CKMT2: variants seen among roughly 807,000 people sequenced by gnomAD.
The protein encoded by CKMT2 is creatine kinase S-type, mitochondrial.
Under a neutral mutation model 48.9 loss-of-function variants are expected in CKMT2, and 43 were observed. The observed-to-expected ratio is 0.88, with a 90% confidence interval of 0.69 to 1.13. CKMT2 has a LOEUF of 1.13. Ranked by LOEUF, CKMT2 falls within the 50% of genes most tolerant of loss-of-function variation. The pLI, the probability that CKMT2 is intolerant of heterozygous loss-of-function variation, is 0.00. For missense variants in CKMT2, 472 were observed against 555.4 expected (o/e 0.85, Z 1.51); for synonymous variants, 206 against 213.0 (o/e 0.97, Z 0.29).
intron 7 of CKMT2, among the ~76,000 whole-genome samples, chr5:81,258,678 G>C (rs1480512001): frequency 2.0e-5 from 3 of 152,140 alleles, no homozygotes; most frequent in Non-Finnish European, 4.4e-5. Context: ...TCTGCCTCCT[G>C]TCAGATCAGC....
Position 81,257,804 on chromosome 5 carries a change from A to AAGGAGGCAATATGAAACGAGTATT in CKMT2, c.828_851dup (p.Val283_Phe284insLeuGlyGlyAsnMetLysArgVal). ...CACACCAGGGTAATCTCAATGGAAA[A>AAGGAGGCAATATGAAACGAGTATT]AGGAGGCAATATGAAACGAGTATTT... On this transcript the variant is annotated inframe_insertion, in exon 7 of 10. Transcript: ENST00000254035. 6.2e-7 allele frequency: 1 copy of AAGGAGGCAATATGAAACGAGTATT among 1,613,816 alleles called. No homozygotes were observed. The highest frequency in any genetic ancestry group is 2.2e-5 in the East Asian group (1 of 44,860).
intron 8 of CKMT2, among the ~76,000 whole-genome samples, chr5:81,261,944 C>G (rs1484566665): frequency 1.9e-4 from 29 of 152,160 alleles, no homozygotes; most frequent in Admixed American, 1.9e-3. Flanking sequence ...TCAAACTATA[C>G]TACAAGGCTA....
intron 8 of CKMT2, 113 bp from the exon 9 acceptor site, chr5:81,263,378 T>C (rs961097875): frequency 1.0e-5 from 3 of 290,216 alleles, no homozygotes; most frequent in South Asian, 1.2e-4. Context: ...TTATTATATA[T>C]ATAAAAAGTT....
intron 5 of CKMT2, among the ~76,000 whole-genome samples, chr5:81,255,885 G>A (rs764102023): frequency 4.6e-5 from 7 of 150,612 alleles, no homozygotes; most frequent in Non-Finnish European, 8.8e-5. Flanking sequence ...TAAGAAATAT[G>A]CCTCATTTCC....
Position 81,263,829 on chromosome 5 carries a change from G to C in CKMT2, c.1140+213G>C, listed in dbSNP as rs77658270. ...CATAATGTGAGCTGAGAATTTATAG[G>C]CAAGTATAGGAATTCACAGTGGGAC... On this transcript the variant is annotated intron_variant, in intron 9 of 9. Transcript: ENST00000254035. Among the ~76,000 whole-genome samples the C allele has an allele frequency of 4.1e-4, 63 of 152,282 alleles. No homozygotes were observed. The East Asian group carries it at 0.012, about 28-fold the overall frequency.
intron 1 of CKMT2, among the ~76,000 whole-genome samples, chr5:81,234,235 C>T (rs79240971): frequency 0.05 from 7,611 of 152,144 alleles, 301 homozygotes; most frequent in South Asian, 0.21. Flanking sequence ...CTTTAGGTCT[C>T]CTCAGTGCTG....
intron 1 of CKMT2, chr5:81,242,377 A>C (rs1756466006): frequency 2.1e-6 from 1 of 468,358 alleles, no homozygotes; most frequent in Non-Finnish European, 4.1e-6. Context: ...TTGGGCTGAG[A>C]CTCCTTGCCA....
At chr5:81,257,709 G>C (rs756164751) in intron 6 of CKMT2, 24 bp from the exon 7 acceptor site, 13 of 1,603,330 alleles carry the variant, frequency 8.1e-6, no homozygotes, top group Non-Finnish European at 1.0e-5. Context: ...TTAACACTCA[G>C]TACCATATTT....
intron 1 of CKMT2, among the ~76,000 whole-genome samples, chr5:81,236,913 G>A (rs1274107370): frequency 6.6e-6 from 1 of 152,222 alleles, no homozygotes; most frequent in Non-Finnish European, 1.5e-5. Context: ...ACTTTGGGAG[G>A]CTGAGGCAGG....
chr5:81,238,222 T>C (rs1389615566), intron 1 of CKMT2: 1 of 152,046 alleles, frequency 6.6e-6, no homozygotes, highest in Non-Finnish European at 1.5e-5. Context: ...CAGTCCCAGC[T>C]ACTTGGGAGG....
intron 3 of CKMT2, among the ~76,000 whole-genome samples, chr5:81,253,779 T>C (rs1324195849): frequency 2.0e-5 from 3 of 152,206 alleles, no homozygotes; most frequent in Non-Finnish European, 4.4e-5. Flanking sequence ...TTACAACTTC[T>C]TTTAACAATT....
chr5:81,258,064 AATTTTTGT>A, intron 7 of CKMT2: 1 of 419,678 alleles, frequency 2.4e-6, no homozygotes, highest in East Asian at 4.3e-5. Flanking sequence ...ACACCTGGCT[AATTTTTGT>A]ATTTTTAGTA....
At chr5:81,260,693 A>T (rs1229806106) in intron 8 of CKMT2, among the ~76,000 whole-genome samples, 8 of 152,298 alleles carry the variant, frequency 5.3e-5, no homozygotes, top group African/African-American at 1.9e-4. Flanking sequence ...AATAGACCAA[A>T]AACAAGTTCT....
intron 1 of CKMT2, among the ~76,000 whole-genome samples, chr5:81,240,339 G>A (rs1756394113): frequency 6.6e-6 from 1 of 152,236 alleles, no homozygotes; most frequent in African/African-American, 2.4e-5. Context: ...TGAGAGACCA[G>A]GGAGGATCTG....
rs998189377 is a variant in CKMT2 at position 81,239,855 on chromosome 5, T to C, written c.-21+6478T>C. On this transcript the variant is annotated intron_variant, in intron 1 of 9. Coordinates refer to ENST00000254035, the MANE Select transcript of CKMT2 (RefSeq NM_001099735.2). ...TCCCAGCGCTGCCACTCACAAACCA[T>C]GTGGTCCTGGGTGAGTTATTTTGCC... Among the ~76,000 whole-genome samples the C allele has an allele frequency of 5.3e-5, 8 of 152,280 alleles. No homozygotes were observed. The East Asian group carries it at 1.4e-3, about 26-fold the overall frequency.
chr5:81,262,434 A>G (rs935615877), intron 8 of CKMT2, among the ~76,000 whole-genome samples: 9 of 152,188 alleles, frequency 5.9e-5, no homozygotes, highest in African/African-American at 1.7e-4. Context: ...CAATCTATCC[A>G]TCTGACAAAG....
chr5:81,254,263 T>C lies in CKMT2; in HGVS notation c.352-133T>C, dbSNP rs573844098. 2.9e-5 allele frequency: 19 copies of C among 664,240 alleles called. No individual in the cohort carries two copies. In the Admixed American group the frequency reaches 4.2e-4, roughly 15 times the overall value. 41.1% of individuals were successfully genotyped at this position (664,240 alleles called of 1,614,324 possible). ...TCCATTCTCACATCCATTTCCTATA[T>C]GATAGTCCTGAAAATTTCAGAGAAG... On this transcript the variant is annotated intron_variant, in intron 3 of 9. Coordinates refer to ENST00000254035, the MANE Select transcript of CKMT2 (RefSeq NM_001099735.2).
chr5:81,252,736 C>T lies in CKMT2; in HGVS notation c.194C>T (p.Ala65Val). The change falls in exon 3 of 10, where the codon GCC (alanine) becomes GTC (valine). Residue 65 changes from alanine to valine, a missense_variant. By Grantham distance (64) the Ala-to-Val change is moderately conservative. Coordinates refer to ENST00000254035, the MANE Select transcript of CKMT2 (RefSeq NM_001099735.2). ...CTGCGCAAGCACAACAACTGCATGG[C>T]CGAGTGCCTCACCCCCGCCATTTAT... ...PDLRKHNNCM[A>V]ECLTPAIYAK... The T allele has an allele frequency of 2.5e-6, 4 of 1,614,198 alleles. No individual in the cohort carries two copies. Among genetic ancestry groups the T allele is most frequent in the Non-Finnish European group, 2.5e-6 (3 of 1,180,036 alleles).
chr5:81,263,715 C>G (rs1357049379), intron 9 of CKMT2, 99 bp downstream of exon 9: 1 of 1,160,088 alleles, frequency 8.6e-7, no homozygotes, highest in Admixed American at 2.2e-5. Flanking sequence ...AAATTCGAGA[C>G]CTCCTCTTCG....
Sources: gnomAD v4.1 joint callset for allele counts (sites outside exome capture counted in the v4.1 genomes callset) on GRCh38, gnomAD v4.1.1 for gene constraint, MANE v1.5 for transcripts, NCBI Gene and HGNC (gene_info 2026-07-23, HGNC 2026-07-21) for gene names.